Variants in PRKCE observed in about 807,000 individuals in gnomAD.
PRKCE encodes the protein protein kinase C epsilon.
Under a neutral mutation model 85.4 loss-of-function variants are expected in PRKCE, and 16 were observed. The ratio of observed to expected loss-of-function variants is 0.19; its 90% CI spans 0.13 to 0.28. The LOEUF (loss-of-function observed/expected upper bound fraction) is 0.28, where lower values mean the gene tolerates loss of function less well. Ranked by LOEUF, PRKCE falls within the 10% of genes least tolerant of loss-of-function variation. The probability of loss-of-function intolerance (pLI) is 1.00; values close to 1 mark genes in which losing one functional copy is unlikely to be tolerated. For synonymous variants in PRKCE, 388 were observed against 371.5 expected, an observed-to-expected ratio of 1.04 and a Z score of -0.51; for missense variants, 573 against 975.2, an observed-to-expected ratio of 0.59 and a Z score of 5.49.
At chr2:45,861,161 C>T (rs149164687) in intron 2 of PRKCE, among the ~76,000 whole-genome samples, 1 of 152,242 alleles carries the variant, frequency 6.6e-6, no homozygotes, top group East Asian at 1.9e-4. Context: ...GCAGGCTGAG[C>T]CATTGCCTGA....
chr2:46,084,774 C>T (rs1225490430), intron 10 of PRKCE, among the ~76,000 whole-genome samples: 1 of 151,060 alleles, frequency 6.6e-6, no homozygotes, highest in African/African-American at 2.4e-5. Context: ...TTTTAAACCT[C>T]ACCATTTACT....
At chr2:45,723,761 C>A (rs926624731) in intron 1 of PRKCE, among the ~76,000 whole-genome samples, 9 of 152,144 alleles carry the variant, frequency 5.9e-5, no homozygotes, top group Admixed American at 4.6e-4. Flanking sequence ...CCCACCACCA[C>A]ACCCAGCTAA....
intron 2 of PRKCE, among the ~76,000 whole-genome samples, chr2:45,918,777 G>T (rs1009915391): frequency 6.6e-6 from 1 of 152,202 alleles, no homozygotes; most frequent in African/African-American, 2.4e-5. Flanking sequence ...GCGAGGGGGG[G>T]AATGGGAAGG....
intron 5 of PRKCE, among the ~76,000 whole-genome samples, chr2:45,982,139 C>G (rs1702937366): frequency 6.6e-6 from 1 of 152,208 alleles, no homozygotes; most frequent in Non-Finnish European, 1.5e-5. Flanking sequence ...ACTCCCAGTC[C>G]TGGCTCTCCC....
intron 2 of PRKCE, among the ~76,000 whole-genome samples, chr2:45,921,213 T>A (rs1196914299): frequency 2.0e-5 from 3 of 152,212 alleles, no homozygotes; most frequent in African/African-American, 4.8e-5. Flanking sequence ...GCCAAGCCCC[T>A]CGTAGAATTC....
intron 2 of PRKCE, 105 bp from the exon 3 acceptor site, chr2:45,976,324 C>T: frequency 7.3e-7 from 1 of 1,369,318 alleles, no homozygotes; most frequent in Middle Eastern, 2.5e-4. Context: ...TCTCACCCAC[C>T]CCAGCTCCAC....
At chr2:45,924,298 T>G (rs535837058) in intron 2 of PRKCE, among the ~76,000 whole-genome samples, 2 of 152,214 alleles carry the variant, frequency 1.3e-5, no homozygotes, top group Non-Finnish European at 2.9e-5. Flanking sequence ...ATAACAAATA[T>G]GTCCACTGCC....
intron 2 of PRKCE, among the ~76,000 whole-genome samples, chr2:45,915,475 C>G (rs1697695384): frequency 6.6e-6 from 1 of 152,130 alleles, no homozygotes; most frequent in Non-Finnish European, 1.5e-5. Flanking sequence ...TCCCAAAGCT[C>G]CAGTGAACCC....
chr2:45,802,284 CAAAT>C (rs1687928834), intron 1 of PRKCE, among the ~76,000 whole-genome samples: 2 of 152,104 alleles, frequency 1.3e-5, no homozygotes, highest in Admixed American at 1.3e-4. Context: ...AATAAATAAG[CAAAT>C]AAATAAAGTA....
At chr2:45,758,990 C>T (rs1344878059) in intron 1 of PRKCE, among the ~76,000 whole-genome samples, 2 of 152,176 alleles carry the variant, frequency 1.3e-5, no homozygotes, top group Non-Finnish European at 2.9e-5. Context: ...AGTATCAGCA[C>T]TCATGAGATA....
intron 10 of PRKCE, among the ~76,000 whole-genome samples, chr2:46,052,310 C>T (rs757359536): frequency 6.6e-6 from 1 of 152,092 alleles, no homozygotes; most frequent in African/African-American, 2.4e-5. Flanking sequence ...CCACAGGAGA[C>T]AAGATCAATA....
intron 1 of PRKCE, among the ~76,000 whole-genome samples, chr2:45,751,475 T>C (rs978125095): frequency 2.0e-5 from 3 of 147,540 alleles, no homozygotes; most frequent in Non-Finnish European, 3.0e-5. Context: ...TCAAGCATAG[T>C]ACCCTGCATA....
rs909348228 is a variant in PRKCE, at chr2:46,100,229, G to A, written c.1592+13867G>A. ...AGAGTGCCCCTGAGGAACATTCAGA[G>A]ATCCAGGCCCACAATTCCTGTCATT... is the stretch of plus-strand genomic sequence containing the variant. On this transcript the variant is annotated intron_variant, in intron 11 of 14. Transcript: ENST00000306156. 1.1e-4 allele frequency among the ~76,000 whole-genome samples: 16 copies of A among 152,170 alleles called. 1 individual carries two copies. The highest frequency in any genetic ancestry group is 3.6e-4 in the African/African-American group (15 of 41,436).
intron 1 of PRKCE, among the ~76,000 whole-genome samples, chr2:45,715,268 C>G (rs1679994045): frequency 1.3e-5 from 2 of 152,248 alleles, no homozygotes; most frequent in African/African-American, 4.8e-5. Context: ...GCCTCAAACT[C>G]TCCCTATGTA....
chr2:46,144,573 C>T (rs1478807217), intron 11 of PRKCE, among the ~76,000 whole-genome samples: 1 of 152,196 alleles, frequency 6.6e-6, no homozygotes, highest in Non-Finnish European at 1.5e-5. Flanking sequence ...TTCCTGGAAG[C>T]CCTCACTGCC....
chr2:45,966,082 C>G (rs146944160), intron 2 of PRKCE, among the ~76,000 whole-genome samples: 1 of 152,002 alleles, frequency 6.6e-6, no homozygotes, highest in Non-Finnish European at 1.5e-5. Flanking sequence ...CCTTGGGAGG[C>G]GTGGATGGCT....
At chr2:45,693,744 C>T (rs947109359) in intron 1 of PRKCE, among the ~76,000 whole-genome samples, 2 of 152,166 alleles carry the variant, frequency 1.3e-5, no homozygotes, top group Non-Finnish European at 1.5e-5. Context: ...GGTGGACCGT[C>T]ACCCCTGAGA....
intron 11 of PRKCE, among the ~76,000 whole-genome samples, chr2:46,144,631 T>C (rs1450838734): frequency 1.3e-5 from 2 of 152,200 alleles, no homozygotes; most frequent in Non-Finnish European, 2.9e-5. Context: ...TTAGCTCTCA[T>C]AGTGTTCTAT....
At chr2:46,125,414 A>G (rs1160667672) in intron 11 of PRKCE, among the ~76,000 whole-genome samples, 1 of 152,238 alleles carries the variant, frequency 6.6e-6, no homozygotes. Context: ...ATTTAAAATA[A>G]AAGTTTGAAT....
Sources: gnomAD v4.1 joint callset for allele counts (sites outside exome capture counted in the v4.1 genomes callset) on GRCh38, gnomAD v4.1.1 for gene constraint, MANE v1.5 for transcripts, NCBI Gene and HGNC (gene_info 2026-07-23, HGNC 2026-07-21) for gene names.